Variants in SF3B1 observed in about 807,000 individuals in gnomAD.
SF3B1 encodes the protein pre-mRNA processing 10.
SF3B1 carries 12 observed loss-of-function variants against 153.8 expected under a neutral mutation model. The ratio of observed to expected loss-of-function variants is 0.08; its 90% CI spans 0.05 to 0.13. SF3B1 has a LOEUF of 0.13. Among genes scored for constraint, SF3B1 ranks in the 10% least tolerant of loss-of-function variants. SF3B1 has a pLI of 1.00. For synonymous variants in SF3B1, 498 were observed against 525.2 expected (o/e 0.95, Z 0.71); for missense variants, 513 against 1,606.1 (o/e 0.32, Z 11.63).
At chr2:197,411,448 C>A in intron 6 of SF3B1, among the ~76,000 whole-genome samples, 1 of 151,342 alleles carries the variant, frequency 6.6e-6, no homozygotes. Flanking sequence ...CCGAGGCGGG[C>A]GGATCACAAG....
Position 197,423,847 on chromosome 2 carries a change from A to G in SF3B1, c.156T>C (p.Ala52=), listed in dbSNP as rs772175658. The part of the protein sequence containing the change: ...EIYGGSDSRF[A]GYVTSIAATE... ...TTGCAGCAATTGATGTCACGTATCCAGCAAATCTGCTGTCACTTCCACCAT... is the reference window on the plus strand; with the variant it reads ...TTGCAGCAATTGATGTCACGTATCCGGCAAATCTGCTGTCACTTCCACCAT... Residue 52 remains alanine, a synonymous_variant, in exon 2 of 25, where the codon GCT becomes GCC. Transcript: ENST00000335508. The G allele has an allele frequency of 1.2e-6, 2 of 1,614,072 alleles. No homozygotes were observed. Among genetic ancestry groups the G allele is most frequent in the South Asian group, 1.1e-5 (1 of 91,012 alleles).
chr2:197,396,356 T>G (rs1286065604), intron 22 of SF3B1, 28 bp from the exon 23 acceptor site: 4 of 1,573,728 alleles, frequency 2.5e-6, no homozygotes, highest in Non-Finnish European at 3.5e-6. Context: ...GTCAACAAGC[T>G]GTTACATTAT....
chr2:197,392,573 G>T (rs2084822423), intron 24 of SF3B1, 112 bp from the exon 25 acceptor site: 1 of 355,946 alleles, frequency 2.8e-6, no homozygotes, highest in Non-Finnish European at 5.1e-6. Flanking sequence ...GGGGAGTTGG[G>T]GGGGGGGGAA....
In SF3B1 at chr2:197,435,028, T is replaced by A. The variant is rs1218017717; in HGVS notation, c.-29A>T. 6.2e-7 allele frequency: 1 copy of A among 1,614,250 alleles called. No homozygotes were observed. The highest frequency in any genetic ancestry group is 1.7e-5 in the Admixed American group (1 of 60,034). On this transcript the variant is annotated 5_prime_UTR_variant, in exon 1 of 25. Transcript: ENST00000335508. ...GTCCACTCGAACACACAGACGGAAC[T>A]GGCGCTCCCAAGAACTTCCGCTCGT... is the stretch of plus-strand genomic sequence containing the variant.
intron 1 of SF3B1, among the ~76,000 whole-genome samples, chr2:197,432,963 GA>G (rs1297824618): frequency 6.6e-6 from 1 of 152,234 alleles, no homozygotes; most frequent in Non-Finnish European, 1.5e-5. Context: ...GAGCTAAGGA[GA>G]AGAGAAAATC....
At chr2:197,425,730 TAGCTCACGCATGTCATCCAA>T (rs761526347) in intron 1 of SF3B1, among the ~76,000 whole-genome samples, 50 of 151,798 alleles carry the variant, frequency 3.3e-4, no homozygotes, top group Non-Finnish European at 6.3e-4. Flanking sequence ...GCAGACGCGG[TAGCTCACGCATGTCATCCAA>T]ACACTTTGGA....
chr2:197,391,797 A>T lies in SF3B1; in HGVS notation c.*506T>A, dbSNP rs2084812610. 6.4e-6 allele frequency: 1 copy of T among 155,872 alleles called. No individual in the cohort carries two copies. Among genetic ancestry groups the T allele is most frequent in the African/African-American group, 2.4e-5 (1 of 41,568 alleles). 9.7% of individuals were successfully genotyped at this position (155,872 alleles called of 1,614,324 possible). Reference sequence around the variant, plus strand: ...TGAGGCTACTCTTCTTGCTGTCATTATTAACACAACAATGGAATTTTGACA... The same window carrying T: ...TGAGGCTACTCTTCTTGCTGTCATTTTTAACACAACAATGGAATTTTGACA... On this transcript the variant is annotated 3_prime_UTR_variant, in exon 25 of 25. Coordinates refer to ENST00000335508, the MANE Select transcript of SF3B1 (RefSeq NM_012433.4).
In SF3B1 at chr2:197,400,008, G is replaced by C; in HGVS notation, c.3013+47C>G. ...TTACTTACGAAAAAAAAAAGAAAAA[G>C]AAAGTTAAAACAAGAAAAAGTCTTA... On this transcript the variant is annotated intron_variant, in intron 20 of 24. Transcript: ENST00000335508. This position sits in a 1 kb window ranked among gnomAD's most constrained non-coding sequence, Gnocchi z 5.0. The C allele has an allele frequency of 7.9e-7, 1 of 1,261,952 alleles. No individual in the cohort carries two copies. Among genetic ancestry groups the C allele is most frequent in the South Asian group, 1.3e-5 (1 of 75,358 alleles). 78.2% of individuals were successfully genotyped at this position (1,261,952 alleles called of 1,614,324 possible).
intron 1 of SF3B1, among the ~76,000 whole-genome samples, chr2:197,425,607 T>G (rs952909404): frequency 6.6e-6 from 1 of 152,252 alleles, no homozygotes; most frequent in East Asian, 1.9e-4. Context: ...AAGCCCTCTA[T>G]AGTTCCTCAA....
intron 11 of SF3B1, among the ~76,000 whole-genome samples, chr2:197,404,205 C>G (rs188624472): frequency 6.6e-6 from 1 of 152,060 alleles, no homozygotes; most frequent in African/African-American, 2.4e-5. Flanking sequence ...CAGCTGGGCA[C>G]GGTGGCTCAC....
intron 6 of SF3B1, among the ~76,000 whole-genome samples, chr2:197,414,565 T>C (rs2085119353): frequency 6.6e-6 from 1 of 152,200 alleles, no homozygotes; most frequent in Admixed American, 6.5e-5. Context: ...TGCTAAATCA[T>C]GTGAGAAATG....
In SF3B1 at chr2:197,393,334, GA is replaced by G. The variant is rs1376482156; in HGVS notation, c.3540-147del. ...CTAATTCAGTGCACTGAATAGATGTGAAGTCATCTAACATTTCATATATCTA... is the reference window on the plus strand; with the variant it reads ...CTAATTCAGTGCACTGAATAGATGTGAGTCATCTAACATTTCATATATCTA... On this transcript the variant is annotated intron_variant, in intron 23 of 24. Transcript: ENST00000335508. 5 of 630,036 alleles carry G rather than the reference GA, an allele frequency of 7.9e-6. No homozygotes were observed. In the Admixed American group the frequency reaches 1.4e-4, roughly 18 times the overall value. 39.0% of individuals were successfully genotyped at this position (630,036 alleles called of 1,614,324 possible). A position where few individuals can be genotyped will look rare whatever the true frequency, so the allele number is the denominator to read the frequency against.
chr2:197,392,544 A>AACTTGACTATATCTTATAATTTTATTG, intron 24 of SF3B1, 83 bp from the exon 25 acceptor site: 2 of 279,926 alleles, frequency 7.1e-6, no homozygotes, highest in Non-Finnish European at 6.1e-6. Context: ...TAAAGATATG[A>AACTTGACTATATCTTATAATTTTATTG]TTCAAAATTA....
At chr2:197,425,738 G>A (rs771296510) in intron 1 of SF3B1, among the ~76,000 whole-genome samples, 16 of 151,902 alleles carry the variant, frequency 1.1e-4, no homozygotes, top group African/African-American at 3.1e-4. Flanking sequence ...GGTAGCTCAC[G>A]CATGTCATCC....
chr2:197,421,358 T>TA (rs2085239365), intron 2 of SF3B1, among the ~76,000 whole-genome samples: 1 of 152,242 alleles, frequency 6.6e-6, no homozygotes, highest in Non-Finnish European at 1.5e-5. Flanking sequence ...AAGCAAGGAA[T>TA]ATTTTCTATA....
chr2:197,427,645 TGAA>T lies in SF3B1; in HGVS notation c.29-3674_29-3672del, dbSNP rs1473407104. Among the ~76,000 whole-genome samples the T allele has an allele frequency of 7.2e-5, 11 of 152,248 alleles. No individual in the cohort carries two copies. The East Asian group carries it at 2.1e-3, about 29-fold the overall frequency. ...AGGTGGGAAAAAATACGGCAGAAAA[TGAA>T]GAACTGATAAAGCTGAGCAGTGGGT... On this transcript the variant is annotated intron_variant, in intron 1 of 24. Coordinates refer to ENST00000335508, the MANE Select transcript of SF3B1 (RefSeq NM_012433.4).
intron 22 of SF3B1, among the ~76,000 whole-genome samples, chr2:197,396,796 G>C (rs3769524): frequency 0.14 from 21,158 of 152,142 alleles, 1,841 homozygotes; most frequent in Middle Eastern, 0.27. Context: ...ACAATTTGCT[G>C]CATCTATTTG....
intron 9 of SF3B1, 68 bp from the exon 10 acceptor site, chr2:197,405,540 C>T (rs2084980600): frequency 9.1e-7 from 1 of 1,103,592 alleles, no homozygotes; most frequent in Admixed American, 2.3e-5. Context: ...ACAATATTTG[C>T]ACTTAAAATA....
intron 24 of SF3B1, 109 bp from the exon 25 acceptor site, chr2:197,392,570 T>TGGCG (rs1553563306): frequency 7.1e-6 from 1 of 141,750 alleles, no homozygotes; most frequent in Non-Finnish European, 1.3e-5. Context: ...CTTGGGGAGT[T>TGGCG]GGGGGGGGGG....
Sources: gnomAD v4.1 joint callset for allele counts (sites outside exome capture counted in the v4.1 genomes callset) on GRCh38, gnomAD v4.1.1 for gene constraint, Gnocchi (gnomAD v3.1) non-coding constraint, MANE v1.5 for transcripts, NCBI Gene and HGNC (gene_info 2026-07-23, HGNC 2026-07-21) for gene names.